LRP1B: variants seen among roughly 807,000 people sequenced by gnomAD.
The protein encoded by LRP1B is LDL receptor related protein 1B, also known as low-density lipoprotein receptor-related protein 1B.
LRP1B carries 217 observed loss-of-function variants against 556.6 expected under a neutral mutation model. That is an observed-to-expected ratio of 0.39 (90% CI 0.35 to 0.44). LRP1B has a LOEUF of 0.44. Among genes scored for constraint, LRP1B ranks in the 20% least tolerant of loss-of-function variants. The probability of loss-of-function intolerance (pLI) is 1.00; values close to 1 mark genes in which losing one functional copy is unlikely to be tolerated. For synonymous variants in LRP1B, 2,047 were observed against 1,865.8 expected, an observed-to-expected ratio of 1.10 and a Z score of -2.50; for missense variants, 5,053 against 5,620.8, an observed-to-expected ratio of 0.90 and a Z score of 3.23.
At chr2:141,467,923 T>A (rs193273320) in intron 3 of LRP1B, among the ~76,000 whole-genome samples, 2 of 151,130 alleles carry the variant, frequency 1.3e-5, no homozygotes, top group Non-Finnish European at 2.9e-5. Flanking sequence ...ACCTTTACAC[T>A]CTATCACTCC....
chr2:141,141,443 A>T (rs568675508), intron 7 of LRP1B, among the ~76,000 whole-genome samples: 1 of 152,294 alleles, frequency 6.6e-6, no homozygotes, highest in South Asian at 2.1e-4. Flanking sequence ...CGGAATTATG[A>T]TAACTTACTT....
chr2:141,817,638 C>T (rs1029313305), intron 1 of LRP1B, among the ~76,000 whole-genome samples: 1 of 152,034 alleles, frequency 6.6e-6, no homozygotes, highest in East Asian at 1.9e-4. Flanking sequence ...AAAACAGAAA[C>T]TATGTCAAAT....
chr2:141,111,825 C>T (rs183686710), intron 7 of LRP1B, among the ~76,000 whole-genome samples: 3 of 151,972 alleles, frequency 2.0e-5, no homozygotes, highest in South Asian at 4.2e-4. Flanking sequence ...CCGAAGCAGG[C>T]GGATCACAAG....
chr2:141,018,786 A>T (rs957901086), intron 12 of LRP1B, among the ~76,000 whole-genome samples: 12 of 152,138 alleles, frequency 7.9e-5, no homozygotes, highest in African/African-American at 2.9e-4. Context: ...TAATCCAAAC[A>T]TAAAATCACC....
chr2:140,513,177 T>C (rs978195573), intron 51 of LRP1B, among the ~76,000 whole-genome samples: 4 of 152,076 alleles, frequency 2.6e-5, no homozygotes, highest in Non-Finnish European at 5.9e-5. Context: ...AATCTTTTTG[T>C]ATCCAATTAA....
intron 43 of LRP1B, among the ~76,000 whole-genome samples, chr2:140,596,699 T>A (rs1464318605): frequency 6.6e-5 from 10 of 152,182 alleles, no homozygotes. Flanking sequence ...AAATTTAGCA[T>A]GATGGTTTGC....
At chr2:141,566,768 AG>A (rs1193554139) in intron 2 of LRP1B, among the ~76,000 whole-genome samples, 1 of 152,090 alleles carries the variant, frequency 6.6e-6, no homozygotes, top group African/African-American at 2.4e-5. Context: ...CTGAGATGGG[AG>A]GATCACTTGA....
rs11894143 is a variant in LRP1B at position 140,430,887 on chromosome 2, C to T, written c.10414+11617G>A. Among the ~76,000 whole-genome samples, 79 of 152,288 alleles carry T rather than the reference C, an allele frequency of 5.2e-4. No homozygotes were observed. The East Asian group carries it at 6.0e-3, about 12-fold the overall frequency. On this transcript the variant is annotated intron_variant, in intron 66 of 90. Transcript: ENST00000389484. Reference sequence around the variant, plus strand: ...TTCTCCCTTTCCTACACATCAAGCTCGGGGATTTGCCCCTGCCCAGGCCTG... The same window carrying T: ...TTCTCCCTTTCCTACACATCAAGCTTGGGGATTTGCCCCTGCCCAGGCCTG...
intron 25 of LRP1B, among the ~76,000 whole-genome samples, chr2:140,879,123 T>C (rs757313101): frequency 2.6e-5 from 4 of 152,192 alleles, no homozygotes; most frequent in Non-Finnish European, 5.9e-5. Flanking sequence ...TACTTCCCAC[T>C]CTGCAATGAT....
At chr2:141,357,381 T>C (rs1490615298) in intron 3 of LRP1B, among the ~76,000 whole-genome samples, 2 of 152,198 alleles carry the variant, frequency 1.3e-5, no homozygotes, top group Non-Finnish European at 2.9e-5. Context: ...GAAATACCTG[T>C]TTTCTTTTCC....
chr2:141,743,929 G>A (rs1464189848), intron 2 of LRP1B, among the ~76,000 whole-genome samples: 5 of 138,012 alleles, frequency 3.6e-5, no homozygotes, highest in African/African-American at 1.3e-4. Flanking sequence ...TGTCAGTTTT[G>A]TTTATTTTTC....
intron 20 of LRP1B, 84 bp downstream of exon 20, chr2:140,950,151 T>C: frequency 9.7e-7 from 1 of 1,035,700 alleles, no homozygotes; most frequent in Non-Finnish European, 1.3e-6. Flanking sequence ...TTTCTTTTTA[T>C]ACAATATTCT....
intron 1 of LRP1B, among the ~76,000 whole-genome samples, chr2:142,067,429 T>G (rs1031569502): frequency 1.3e-5 from 2 of 151,628 alleles, no homozygotes; most frequent in South Asian, 2.1e-4. Flanking sequence ...ATCCAAAATT[T>G]TTTCTATTTC....
intron 60 of LRP1B, among the ~76,000 whole-genome samples, chr2:140,461,989 T>G (rs1385416519): frequency 6.6e-6 from 1 of 152,186 alleles, no homozygotes; most frequent in Non-Finnish European, 1.5e-5. Flanking sequence ...CTTACTTGAG[T>G]TATAAAGAGT....
intron 32 of LRP1B, among the ~76,000 whole-genome samples, chr2:140,798,567 G>T (rs568753327): frequency 4.6e-5 from 7 of 152,228 alleles, no homozygotes; most frequent in Admixed American, 1.3e-4. Flanking sequence ...GTTAGAAGGG[G>T]TATTTTTTGT....
intron 3 of LRP1B, among the ~76,000 whole-genome samples, chr2:141,460,617 T>C (rs533749476): frequency 1.3e-5 from 2 of 152,324 alleles, no homozygotes; most frequent in African/African-American, 2.4e-5. Flanking sequence ...ATTGAGAAGA[T>C]AATATATTTA....
chr2:140,524,928 C>T (rs1690366991), intron 49 of LRP1B, among the ~76,000 whole-genome samples: 1 of 151,752 alleles, frequency 6.6e-6, no homozygotes, highest in African/African-American at 2.4e-5. Context: ...TGCACATGTC[C>T]ACTCTAAGTG....
Position 141,188,282 on chromosome 2 carries a change from G to C in LRP1B, c.1013+139C>G. On this transcript the variant is annotated intron_variant, in intron 7 of 90. Transcript: ENST00000389484. ...TGAGTTATAGCCTTTTTTCCTTCCT[G>C]CGACACAGTTGTTAAAATCAACATT... is the stretch of plus-strand genomic sequence containing the variant. 3 of 790,584 alleles carry C rather than the reference G, an allele frequency of 3.8e-6. No individual in the cohort carries two copies. In the East Asian group the frequency reaches 8.1e-5, roughly 21 times the overall value. The allele number at this position is 790,584 out of a possible 1,614,324, so 49.0% of individuals were successfully genotyped here.
chr2:140,456,880 G>T (rs925447314), intron 61 of LRP1B, among the ~76,000 whole-genome samples: 1 of 151,960 alleles, frequency 6.6e-6, no homozygotes, highest in African/African-American at 2.4e-5. Context: ...AATAAACAAA[G>T]ACTAGAAGCA....
Sources: allele counts gnomAD v4.1 joint callset (sites outside exome capture counted in the v4.1 genomes callset), GRCh38; gene constraint gnomAD v4.1.1; transcripts MANE v1.5; gene names NCBI Gene and HGNC (gene_info 2026-07-23, HGNC 2026-07-21).